The following STAB2 variants were observed in gnomAD, a reference collection of about 807,000 sequenced individuals.
The protein encoded by STAB2 is stabilin 2.
Under a neutral mutation model 338.1 loss-of-function variants are expected in STAB2, and 288 were observed. The ratio of observed to expected loss-of-function variants is 0.85; its 90% CI spans 0.77 to 0.94. STAB2 has a LOEUF of 0.94. Among genes scored for constraint, STAB2 ranks in the 40% least tolerant of loss-of-function variants. STAB2 has a pLI of 0.00. For synonymous variants in STAB2, 1,202 were observed against 1,193.3 expected, an observed-to-expected ratio of 1.01 and a Z score of -0.15; for missense variants, 3,141 against 3,210.1, an observed-to-expected ratio of 0.98 and a Z score of 0.52.
intron 3 of STAB2, among the ~76,000 whole-genome samples, chr12:103,598,816 T>C (rs555316126): frequency 6.6e-6 from 1 of 152,302 alleles, no homozygotes; most frequent in African/African-American, 2.4e-5. Flanking sequence ...AAGCACCTAC[T>C]ATATGCTGCG....
At chr12:103,650,619 A>G in intron 11 of STAB2, 41 bp downstream of exon 11, 1 of 1,557,538 alleles carries the variant, frequency 6.4e-7, no homozygotes, top group Non-Finnish European at 8.8e-7. Context: ...GGCTAATATG[A>G]AAAGCCTTAG....
intron 7 of STAB2, among the ~76,000 whole-genome samples, chr12:103,637,810 G>A (rs779225401): frequency 8.5e-5 from 13 of 152,148 alleles, no homozygotes; most frequent in Non-Finnish European, 1.8e-4. Flanking sequence ...CACACAAAAT[G>A]GCCTACTAAT....
At position 103,695,736 on chromosome 12, in the gene STAB2, G is replaced by A. The variant is rs1201904497; in HGVS notation, c.3475-1G>A. 1.2e-6 allele frequency: 2 copies of A among 1,614,180 alleles called. No homozygotes were observed. The highest frequency in any genetic ancestry group is 1.7e-5 in the Admixed American group (1 of 60,026). On this transcript the variant is annotated splice_acceptor_variant, in intron 32 of 68. Coordinates refer to ENST00000388887, the MANE Select transcript of STAB2 (RefSeq NM_017564.10). LOFTEE classifies it high-confidence loss of function. ...TGCACTCTTGTCTCTTTCCATCGCAGCAATATAATCTGGCGAATGCAATTG... is the reference window on the plus strand; with the variant it reads ...TGCACTCTTGTCTCTTTCCATCGCAACAATATAATCTGGCGAATGCAATTG...
At chr12:103,765,899 G>A in intron 68 of STAB2, 1 of 356,446 alleles carries the variant, frequency 2.8e-6, no homozygotes, top group Non-Finnish European at 5.5e-6. Flanking sequence ...GGTTCAAGAT[G>A]AATTTTCAAA....
At chr12:103,740,419 T>A (rs1456161927) in intron 54 of STAB2, among the ~76,000 whole-genome samples, 1 of 151,988 alleles carries the variant, frequency 6.6e-6, no homozygotes, top group Non-Finnish European at 1.5e-5. Context: ...AATCTTCCCA[T>A]GGACCCTAGA....
At position 103,660,379 on chromosome 12, in the gene STAB2, ACCC is replaced by A; in HGVS notation, c.1784_1786del (p.Thr595_Gln596delinsLys). On this transcript the variant is annotated inframe_deletion and splice_region_variant, in exon 16 of 69. Coordinates refer to ENST00000388887, the MANE Select transcript of STAB2 (RefSeq NM_017564.10). The stretch of plus-strand genomic sequence containing the variant: ...CGTCAGATACCACATTGTCCCATTT[ACCC>A]AGGTTGGCCCCACTTTTCCTGCTGC... 1 of 1,614,142 alleles carries A rather than the reference ACCC, an allele frequency of 6.2e-7. No homozygotes were observed. Among genetic ancestry groups the A allele is most frequent in the Non-Finnish European group, 8.5e-7 (1 of 1,180,018 alleles).
intron 9 of STAB2, among the ~76,000 whole-genome samples, chr12:103,644,648 T>A (rs1290120201): frequency 6.6e-6 from 1 of 152,216 alleles, no homozygotes; most frequent in Non-Finnish European, 1.5e-5. Flanking sequence ...GTCTTACTCA[T>A]CTTTGCTGCA....
intron 3 of STAB2, among the ~76,000 whole-genome samples, chr12:103,615,356 A>G (rs1164107678): frequency 6.6e-6 from 1 of 152,192 alleles, no homozygotes; most frequent in East Asian, 1.9e-4. Flanking sequence ...GGAGTCAAGG[A>G]AAGTTGGATG....
In STAB2 at chr12:103,692,597, C is replaced by CTGTGTGTG. The variant is rs36051361; in HGVS notation, c.3298-206_3298-199dup. ...TCTTTCTCTCTCTCTCTCTCTGTCT[C>CTGTGTGTG]TGTGTGTGTGTGTGTGCGTGTGCAC... On this transcript the variant is annotated intron_variant, in intron 30 of 68. Transcript: ENST00000388887. 1.9e-4 allele frequency among the ~76,000 whole-genome samples: 29 copies of CTGTGTGTG among 150,828 alleles called. 1 individual carries two copies. The highest frequency in any genetic ancestry group is 7.0e-4 in the African/African-American group (29 of 41,156).
intron 43 of STAB2, among the ~76,000 whole-genome samples, chr12:103,717,121 G>A (rs1031674789): frequency 6.6e-6 from 1 of 152,226 alleles, no homozygotes; most frequent in African/African-American, 2.4e-5. Context: ...GTGGGAGCAG[G>A]TGTCTCTTCC....
At chr12:103,611,701 T>C (rs567867842) in intron 3 of STAB2, among the ~76,000 whole-genome samples, 1 of 152,312 alleles carries the variant, frequency 6.6e-6, no homozygotes, top group East Asian at 1.9e-4. Flanking sequence ...AGGTTAATAT[T>C]GTTATGTGTG....
At chr12:103,753,668 C>G (rs1426530245) in intron 61 of STAB2, among the ~76,000 whole-genome samples, 1 of 152,182 alleles carries the variant, frequency 6.6e-6, no homozygotes, top group African/African-American at 2.4e-5. Context: ...CCTGATGTCA[C>G]CCAGCCAAGA....
intron 3 of STAB2, among the ~76,000 whole-genome samples, chr12:103,609,095 T>C (rs1957079765): frequency 2.0e-5 from 3 of 152,304 alleles, no homozygotes; most frequent in Admixed American, 6.5e-5. Context: ...TGTAGCCTTG[T>C]AGTATAGTTT....
chr12:103,600,913 T>C (rs1281644494), intron 3 of STAB2, among the ~76,000 whole-genome samples: 2 of 85,796 alleles, frequency 2.3e-5, no homozygotes, highest in Non-Finnish European at 2.2e-5. Context: ...TTTATTTCAC[T>C]TTCTTGTGAA....
At chr12:103,735,369 TA>T in intron 51 of STAB2, 121 bp from the exon 52 acceptor site, 1 of 585,062 alleles carries the variant, frequency 1.7e-6, no homozygotes, top group Non-Finnish European at 3.0e-6. Flanking sequence ...TTTGTAAAGC[TA>T]AAGTTATTAT....
chr12:103,648,981 G>A, intron 10 of STAB2, among the ~76,000 whole-genome samples, 158 bp downstream of exon 10: 1 of 152,190 alleles, frequency 6.6e-6, no homozygotes, highest in East Asian at 1.9e-4. Context: ...GCAGGCAGCT[G>A]TTTCAAAGAA....
chr12:103,594,334 A>G (rs1197201442), intron 2 of STAB2, 61 bp from the exon 3 acceptor site: 2 of 1,265,380 alleles, frequency 1.6e-6, no homozygotes, highest in South Asian at 1.3e-5. Flanking sequence ...AGGCAATTCT[A>G]CCACCTAGAG....
intron 34 of STAB2, 142 bp downstream of exon 34, chr12:103,699,369 A>G: frequency 9.0e-7 from 1 of 1,115,772 alleles, no homozygotes; most frequent in Non-Finnish European, 1.2e-6. Context: ...AGACATAGCC[A>G]AGACTGGAAA....
rs373150212 is a variant in STAB2 at position 103,703,755 on chromosome 12, A to G, written c.3843+479A>G. On this transcript the variant is annotated intron_variant, in intron 35 of 68. Coordinates refer to ENST00000388887, the MANE Select transcript of STAB2 (RefSeq NM_017564.10). ...ATGATAATGGAGGCTTTTCATGCCA[A>G]TTCATGGGGCTATGTAGGACCTTTC... is the stretch of plus-strand genomic sequence containing the variant. Among the ~76,000 whole-genome samples, 210 of 152,348 alleles carry G rather than the reference A, an allele frequency of 1.4e-3. 4 individuals carry two copies. In the South Asian group the frequency reaches 0.041, roughly 30 times the overall value.
Sources: allele counts gnomAD v4.1 joint callset (sites outside exome capture counted in the v4.1 genomes callset), GRCh38; gene constraint gnomAD v4.1.1; transcripts MANE v1.5; gene names NCBI Gene and HGNC (gene_info 2026-07-23, HGNC 2026-07-21).